NTRK2: variants seen among roughly 807,000 people sequenced by gnomAD.
NTRK2 encodes the protein BDNF/NT-3 growth factors receptor.
NTRK2 carries 13 observed loss-of-function variants against 94.5 expected under a neutral mutation model. The observed-to-expected ratio is 0.14, with a 90% CI of 0.09 to 0.22. The LOEUF is 0.22. Ranked by LOEUF, NTRK2 falls within the 10% of genes least tolerant of loss-of-function variation. The probability of loss-of-function intolerance (pLI) is 1.00; values close to 1 mark genes in which losing one functional copy is unlikely to be tolerated. For missense variants in NTRK2, 639 were observed against 1,071.2 expected (o/e 0.60, Z 5.63); for synonymous variants, 372 against 407.4 (o/e 0.91, Z 1.05).
chr9:84,707,805 C>T, intron 4 of NTRK2, 39 bp from the exon 5 acceptor site: 1 of 1,487,846 alleles, frequency 6.7e-7, no homozygotes, highest in Non-Finnish European at 9.4e-7. Context: ...TAAAATGTAA[C>T]ATTTTAAATT....
chr9:84,885,801 G>T (rs113672536), intron 14 of NTRK2, among the ~76,000 whole-genome samples: 7,945 of 152,220 alleles, frequency 0.052, 477 homozygotes, highest in East Asian at 0.19. Context: ...GCCGAGGCAG[G>T]CGGATTATGA....
At chr9:84,783,963 G>T (rs1292134104) in intron 12 of NTRK2, among the ~76,000 whole-genome samples, 1 of 152,100 alleles carries the variant, frequency 6.6e-6, no homozygotes, top group Non-Finnish European at 1.5e-5. Context: ...GGAAGACTGG[G>T]GTGTGATGGG....
intron 2 of NTRK2, among the ~76,000 whole-genome samples, chr9:84,688,083 G>T (rs894590102): frequency 3.3e-5 from 5 of 152,138 alleles, no homozygotes; most frequent in African/African-American, 9.7e-5. Context: ...CAAGGAAAAG[G>T]CCTGCTCAGG....
chr9:84,786,650 C>A (rs1372784511), intron 12 of NTRK2, among the ~76,000 whole-genome samples: 1 of 152,064 alleles, frequency 6.6e-6, no homozygotes, highest in African/African-American at 2.4e-5. Context: ...AAAGTATTAT[C>A]TTAAAACTTA....
chr9:84,974,429 G>A (rs1214250113), intron 17 of NTRK2, among the ~76,000 whole-genome samples: 2 of 152,194 alleles, frequency 1.3e-5, no homozygotes, highest in Non-Finnish European at 2.9e-5. Flanking sequence ...CATTGTCAAT[G>A]TAATTTTTAT....
At chr9:84,821,345 ACC>A (rs59849929) in intron 12 of NTRK2, among the ~76,000 whole-genome samples, 100,919 of 150,976 alleles carry the variant, frequency 0.67, 33,980 homozygotes, top group South Asian at 0.75. Context: ...ACACACACAC[ACC>A]CCTATGGAAT....
chr9:84,917,247 T>C (rs998075453), intron 14 of NTRK2, among the ~76,000 whole-genome samples: 2 of 152,216 alleles, frequency 1.3e-5, no homozygotes, highest in African/African-American at 4.8e-5. Context: ...AGTATTCCTC[T>C]TTCAAAGTTG....
At chr9:84,916,016 C>T (rs1386693637) in intron 14 of NTRK2, among the ~76,000 whole-genome samples, 1 of 151,894 alleles carries the variant, frequency 6.6e-6, no homozygotes, top group Non-Finnish European at 1.5e-5. Context: ...TGGTAGGGTC[C>T]AAATTGGGGA....
intron 12 of NTRK2, among the ~76,000 whole-genome samples, chr9:84,840,699 C>G (rs73651126): frequency 1.3e-5 from 2 of 152,056 alleles, no homozygotes; most frequent in African/African-American, 4.8e-5. Context: ...ATGCCCCAAT[C>G]TAGCGCGCTG....
At chr9:84,792,378 T>A (rs982885749) in intron 12 of NTRK2, among the ~76,000 whole-genome samples, 12 of 152,226 alleles carry the variant, frequency 7.9e-5, no homozygotes, top group Non-Finnish European at 7.3e-5. Context: ...AGCTTTCTGA[T>A]GTCAGTTTCA....
chr9:84,704,101 T>G (rs1417737298), intron 4 of NTRK2, among the ~76,000 whole-genome samples: 1 of 152,216 alleles, frequency 6.6e-6, no homozygotes, highest in Non-Finnish European at 1.5e-5. Flanking sequence ...ATTATAGTTT[T>G]ATTAATAGAC....
At chr9:84,827,114 A>G (rs756413053) in intron 12 of NTRK2, among the ~76,000 whole-genome samples, 23 of 152,332 alleles carry the variant, frequency 1.5e-4, no homozygotes, top group South Asian at 6.2e-4. Flanking sequence ...ATTCACTTCA[A>G]TGGTCCACAT....
intron 15 of NTRK2, among the ~76,000 whole-genome samples, chr9:84,942,189 G>T (rs1347808685): frequency 1.3e-5 from 2 of 152,174 alleles, no homozygotes; most frequent in African/African-American, 2.4e-5. Flanking sequence ...TTGTAGGGAT[G>T]TTGGGAAGCT....
At chr9:84,755,406 C>T (rs1053951311) in intron 12 of NTRK2, among the ~76,000 whole-genome samples, 3 of 152,102 alleles carry the variant, frequency 2.0e-5, no homozygotes, top group Admixed American at 1.3e-4. Context: ...TTTTCAACTC[C>T]GTCCACCTAA....
At chr9:84,928,763 C>A (rs1213548492) in intron 14 of NTRK2, among the ~76,000 whole-genome samples, 1 of 152,162 alleles carries the variant, frequency 6.6e-6, no homozygotes, top group Non-Finnish European at 1.5e-5. Context: ...CTGCTAAAGG[C>A]AGGCTCTGCA....
At chr9:84,883,785 T>C (rs2076335079) in intron 14 of NTRK2, among the ~76,000 whole-genome samples, 1 of 152,196 alleles carries the variant, frequency 6.6e-6, no homozygotes, top group Admixed American at 6.5e-5. Context: ...ATGCCCAAAG[T>C]GGGTGAGATT....
At chr9:84,704,944 T>C (rs1176304613) in intron 4 of NTRK2, among the ~76,000 whole-genome samples, 1 of 152,124 alleles carries the variant, frequency 6.6e-6, no homozygotes, top group African/African-American at 2.4e-5. Flanking sequence ...TGGAGGACTC[T>C]GGGGAACAGC....
chr9:84,885,038 T>G (rs1343528124), intron 14 of NTRK2, among the ~76,000 whole-genome samples: 1 of 152,294 alleles, frequency 6.6e-6, no homozygotes, highest in African/African-American at 2.4e-5. Context: ...GAAAACTCAG[T>G]CTCTTTGCTC....
chr9:84,898,768 T>C (rs1196526682), intron 14 of NTRK2, among the ~76,000 whole-genome samples: 11 of 152,044 alleles, frequency 7.2e-5, no homozygotes, highest in Admixed American at 7.2e-4. Flanking sequence ...AATGGTGCAA[T>C]CTTGGCTCAC....
Sources: allele counts gnomAD v4.1 joint callset (sites outside exome capture counted in the v4.1 genomes callset), GRCh38; gene constraint gnomAD v4.1.1; transcripts MANE v1.5; gene names NCBI Gene and HGNC (gene_info 2026-07-23, HGNC 2026-07-21).